PLPPR1: variants seen among roughly 807,000 people sequenced by gnomAD.
PLPPR1 encodes the protein phospholipid phosphatase-related protein type 1.
Under a neutral mutation model 33.1 loss-of-function variants are expected in PLPPR1, and 10 were observed. The ratio of observed to expected loss-of-function variants is 0.30; its 90% CI spans 0.19 to 0.51. The LOEUF (loss-of-function observed/expected upper bound fraction) is 0.51, where lower values mean the gene tolerates loss of function less well. PLPPR1 is among the 20% of genes least tolerant of loss of function. PLPPR1 has a pLI of 0.97. For synonymous variants in PLPPR1, 151 were observed against 151.0 expected (o/e 1.00, Z 0.00); for missense variants, 304 against 408.1 (o/e 0.74, Z 2.20).
chr9:101,155,374 G>C (rs1370659563), intron 1 of PLPPR1, among the ~76,000 whole-genome samples: 1 of 152,184 alleles, frequency 6.6e-6, no homozygotes, highest in Non-Finnish European at 1.5e-5. Flanking sequence ...TGAGAGGCTT[G>C]CATCTGGTGA....
intron 2 of PLPPR1, among the ~76,000 whole-genome samples, chr9:101,232,532 A>T (rs917281088): frequency 1.1e-4 from 17 of 151,748 alleles, no homozygotes; most frequent in African/African-American, 4.1e-4. Context: ...GGGGTTAAAG[A>T]GTAACAAGCA....
At chr9:101,117,152 G>C (rs1431203435) in intron 1 of PLPPR1, among the ~76,000 whole-genome samples, 5 of 152,100 alleles carry the variant, frequency 3.3e-5, no homozygotes, top group South Asian at 2.1e-4. Flanking sequence ...ATCATGTATA[G>C]AGGCTGGGTA....
chr9:101,250,470 T>G (rs1564016523), intron 2 of PLPPR1, among the ~76,000 whole-genome samples: 1 of 152,096 alleles, frequency 6.6e-6, no homozygotes, highest in Non-Finnish European at 1.5e-5. Context: ...ACTGGAAATT[T>G]GGCTCTCCTT....
intron 3 of PLPPR1, among the ~76,000 whole-genome samples, chr9:101,276,468 C>T (rs1828198253): frequency 6.6e-6 from 1 of 152,062 alleles, no homozygotes; most frequent in Admixed American, 6.5e-5. Context: ...CAATATACCC[C>T]TCCTAATAAT....
At chr9:101,123,545 T>C (rs4990718) in intron 1 of PLPPR1, among the ~76,000 whole-genome samples, 112,879 of 151,974 alleles carry the variant, frequency 0.74, 42,271 homozygotes, top group African/African-American at 0.79. Context: ...GGGGCCATTG[T>C]GATTGTGGAG....
intron 1 of PLPPR1, among the ~76,000 whole-genome samples, chr9:101,057,058 C>T (rs1452977980): frequency 6.6e-6 from 1 of 152,142 alleles, no homozygotes; most frequent in Admixed American, 6.6e-5. Flanking sequence ...ATGCATGAAG[C>T]CTGCCAGTGT....
chr9:101,268,459 T>C (rs1030311653), intron 2 of PLPPR1, among the ~76,000 whole-genome samples: 2 of 152,146 alleles, frequency 1.3e-5, no homozygotes, highest in Admixed American at 1.3e-4. Flanking sequence ...TGGATGAGGA[T>C]GCCAAAAATT....
Position 101,180,131 on chromosome 9 carries a change from TATATATATATATACAC to T in PLPPR1, c.-45-5317_-45-5302del, listed in dbSNP as rs1280195308. On this transcript the variant is annotated intron_variant, in intron 1 of 7. Coordinates refer to ENST00000374874, the MANE Select transcript of PLPPR1 (RefSeq NM_207299.2). ...ATATATATATATATATATATATATATATATATATATATACACACACACACACACACATACACACACA... is the reference window on the plus strand; with the variant it reads ...ATATATATATATATATATATATATATACACACACACACACATACACACACA... Among the ~76,000 whole-genome samples, 108 of 37,906 alleles carry T rather than the reference TATATATATATATACAC, an allele frequency of 2.8e-3. 3 individuals are homozygous for T. Among genetic ancestry groups the T allele is most frequent in the Middle Eastern group, 0.012 (1 of 84 alleles). The allele number at this position is 37,906 out of a possible 152,430, so 24.9% of individuals were successfully genotyped here.
intron 1 of PLPPR1, among the ~76,000 whole-genome samples, chr9:101,167,186 T>TGTGTGTGTG (rs1825872610): frequency 2.2e-4 from 5 of 23,132 alleles, no homozygotes; most frequent in Non-Finnish European, 5.1e-4. Context: ...GTGTGTGTCT[T>TGTGTGTGTG]TCTCTCTCTC....
At chr9:101,067,095 T>C (rs915379610) in intron 1 of PLPPR1, among the ~76,000 whole-genome samples, 3 of 152,186 alleles carry the variant, frequency 2.0e-5, no homozygotes, top group African/African-American at 7.2e-5. Context: ...TTCTCTGTAA[T>C]GGTAGGACAG....
intron 5 of PLPPR1, 138 bp downstream of exon 5, chr9:101,309,599 T>A: frequency 1.1e-6 from 1 of 903,510 alleles, no homozygotes; most frequent in South Asian, 1.7e-5. Context: ...ATTATGCTAT[T>A]GATATACTAG....
intron 1 of PLPPR1, among the ~76,000 whole-genome samples, chr9:101,057,420 T>G (rs1405192823): frequency 6.6e-6 from 1 of 152,196 alleles, no homozygotes; most frequent in African/African-American, 2.4e-5. Flanking sequence ...CTAAAATGAA[T>G]AAGCCAGTAT....
chr9:101,106,521 G>C (rs1489288974), intron 1 of PLPPR1, among the ~76,000 whole-genome samples: 2 of 113,510 alleles, frequency 1.8e-5, no homozygotes, highest in African/African-American at 7.8e-5. Context: ...GAGATCCGCT[G>C]TTAGTCTGAT....
At chr9:101,033,475 G>C (rs10819890) in intron 1 of PLPPR1, among the ~76,000 whole-genome samples, 7,043 of 152,162 alleles carry the variant, frequency 0.046, 365 homozygotes, top group African/African-American at 0.13. Context: ...TTTTTATTAG[G>C]GAAGAAGATG....
chr9:101,231,382 T>G (rs1827182634), intron 2 of PLPPR1, among the ~76,000 whole-genome samples: 1 of 151,208 alleles, frequency 6.6e-6, no homozygotes, highest in Non-Finnish European at 1.5e-5. Context: ...TTTTTAGTTT[T>G]GGTTTCTTTC....
At chr9:101,188,933 T>C (rs1826248751) in intron 2 of PLPPR1, among the ~76,000 whole-genome samples, 1 of 152,118 alleles carries the variant, frequency 6.6e-6, no homozygotes, top group Non-Finnish European at 1.5e-5. Flanking sequence ...TTACCTGTAT[T>C]CATCAGTTTC....
chr9:101,237,807 C>T (rs1564011141), intron 2 of PLPPR1, among the ~76,000 whole-genome samples: 2 of 95,992 alleles, frequency 2.1e-5, no homozygotes, highest in Non-Finnish European at 3.8e-5. Flanking sequence ...AGTAGTATTC[C>T]ATTGTGTGCA....
chr9:101,040,026 G>T (rs1830058204), intron 1 of PLPPR1, among the ~76,000 whole-genome samples: 1 of 151,882 alleles, frequency 6.6e-6, no homozygotes, highest in Non-Finnish European at 1.5e-5. Context: ...AGTCATTGCT[G>T]ATCCATGAAC....
chr9:101,154,679 A>G (rs1164443985), intron 1 of PLPPR1, among the ~76,000 whole-genome samples: 2 of 152,100 alleles, frequency 1.3e-5, no homozygotes, highest in East Asian at 3.9e-4. Flanking sequence ...TTATTGCAGC[A>G]CTGTTCACAA....
Sources: allele counts gnomAD v4.1 joint callset (sites outside exome capture counted in the v4.1 genomes callset), GRCh38; gene constraint gnomAD v4.1.1; transcripts MANE v1.5; gene names NCBI Gene and HGNC (gene_info 2026-07-23, HGNC 2026-07-21).